PMFBP1: variants seen among roughly 807,000 people sequenced by gnomAD.
PMFBP1 encodes polyamine modulated factor 1 binding protein 1.
In PMFBP1, 131 loss-of-function variants were observed where a neutral mutation model predicts 137.8. The observed-to-expected ratio is 0.95, with a 90% CI of 0.82 to 1.10. The LOEUF (loss-of-function observed/expected upper bound fraction) is 1.10, where lower values mean the gene tolerates loss of function less well. PMFBP1 is among the 50% of genes least tolerant of loss of function. The pLI is 0.00. For missense variants in PMFBP1, 1,199 were observed against 1,175.4 expected (o/e 1.02, Z -0.29); for synonymous variants, 490 against 450.4 (o/e 1.09, Z -1.11).
the PMFBP1 span, among the ~76,000 whole-genome samples, chr16:72,226,020 C>T: frequency 4.6e-5 from 7 of 151,754 alleles, no homozygotes; most frequent in African/African-American, 1.7e-4. Flanking sequence ...CCAAACACTA[C>T]TTTCTGAGAT....
the PMFBP1 span, among the ~76,000 whole-genome samples, chr16:72,201,233 C>T: frequency 1.3e-5 from 2 of 152,194 alleles, no homozygotes; most frequent in Non-Finnish European, 2.9e-5. Flanking sequence ...CCTTGGTTCT[C>T]AGGCTTTCCT....
At chr16:72,159,709 C>T (rs759809665) in intron 3 of PMFBP1, among the ~76,000 whole-genome samples, 1 of 152,110 alleles carries the variant, frequency 6.6e-6, no homozygotes, top group African/African-American at 2.4e-5. Context: ...GAAAAAGACA[C>T]GCTATGGATG....
At chr16:72,156,911 G>C (rs184783056) in intron 3 of PMFBP1, among the ~76,000 whole-genome samples, 2 of 152,032 alleles carry the variant, frequency 1.3e-5, no homozygotes, top group Non-Finnish European at 2.9e-5. Flanking sequence ...AAATCGGCTG[G>C]GTGCGGTGGC....
chr16:72,191,699 C>T, the PMFBP1 span, among the ~76,000 whole-genome samples: 1 of 152,060 alleles, frequency 6.6e-6, no homozygotes, highest in Non-Finnish European at 1.5e-5. Context: ...TTTCTCCATT[C>T]CTGGTTCTCC....
At chr16:72,123,270 G>A (rs1236705704) in intron 18 of PMFBP1, among the ~76,000 whole-genome samples, 1 of 152,184 alleles carries the variant, frequency 6.6e-6, no homozygotes, top group Non-Finnish European at 1.5e-5. Context: ...GATGGGAGGA[G>A]GATATCTGAG....
chr16:72,190,629 G>C, the PMFBP1 span, among the ~76,000 whole-genome samples: 1 of 152,156 alleles, frequency 6.6e-6, no homozygotes, highest in Non-Finnish European at 1.5e-5. Context: ...AGTGAGCCTA[G>C]CTTGGGGTCA....
At chr16:72,179,415 T>C (rs965956902), upstream of PMFBP1, among the ~76,000 whole-genome samples, 2 of 152,218 alleles carry the variant, frequency 1.3e-5, no homozygotes, top group Admixed American at 1.3e-4. Context: ...ATTCTGTTTA[T>C]TGTGTCTGAA....
chr16:72,180,402 C>T (rs560318382), upstream of PMFBP1, among the ~76,000 whole-genome samples: 1 of 152,270 alleles, frequency 6.6e-6, no homozygotes, highest in East Asian at 1.9e-4. Context: ...TTCATACACT[C>T]TAAATCCAAC....
the PMFBP1 span, among the ~76,000 whole-genome samples, chr16:72,244,632 CCT>C: frequency 6.6e-6 from 1 of 152,176 alleles, no homozygotes; most frequent in Admixed American, 6.5e-5. Context: ...GATTTCTTTT[CCT>C]CCAAAACTGG....
At chr16:72,193,724 GAA>G in the PMFBP1 span, among the ~76,000 whole-genome samples, 66 of 134,784 alleles carry the variant, frequency 4.9e-4, no homozygotes, top group South Asian at 2.8e-3. Context: ...TATCAGTGAG[GAA>G]AAAAAAAAAA....
Position 72,139,418 on chromosome 16 carries a change from C to G in PMFBP1, c.808-19G>C. 1 of 1,562,882 alleles carries G rather than the reference C, an allele frequency of 6.4e-7. No homozygotes were observed. Among genetic ancestry groups the G allele is most frequent in the Non-Finnish European group, 8.8e-7 (1 of 1,134,274 alleles). ...CCAGAACCTGCAAATAAGCTTAGAT[C>G]AGTTATGCTGGATGATCAATGGAAC... On this transcript the variant is annotated intron_variant, in intron 6 of 20. Coordinates refer to ENST00000237353, the MANE Select transcript of PMFBP1 (RefSeq NM_031293.3).
chr16:72,204,732 G>A, the PMFBP1 span, among the ~76,000 whole-genome samples: 8 of 152,146 alleles, frequency 5.3e-5, no homozygotes, highest in Middle Eastern at 6.8e-3. Context: ...CGTGGATTTT[G>A]GGGGCCCTTC....
intron 2 of PMFBP1, among the ~76,000 whole-genome samples, chr16:72,170,018 T>C (rs2043198922): frequency 7.7e-6 from 1 of 130,510 alleles, no homozygotes; most frequent in Admixed American, 7.6e-5. Context: ...TATTGGCACC[T>C]GGGCAATTTT....
intron 15 of PMFBP1, 106 bp from the exon 16 acceptor site, chr16:72,125,511 G>T: frequency 2.3e-6 from 3 of 1,305,592 alleles, no homozygotes; most frequent in South Asian, 1.5e-5. Flanking sequence ...TCTGCCCAGG[G>T]TGACACGGAC....
intron 2 of PMFBP1, among the ~76,000 whole-genome samples, chr16:72,168,665 A>G (rs2043180313): frequency 6.6e-6 from 1 of 152,172 alleles, no homozygotes; most frequent in African/African-American, 2.4e-5. Context: ...CTCCACTGCT[A>G]GGTGAGTTTT....
At chr16:72,218,556 C>T in the PMFBP1 span, among the ~76,000 whole-genome samples, 1 of 152,164 alleles carries the variant, frequency 6.6e-6, no homozygotes, top group African/African-American at 2.4e-5. Flanking sequence ...GCTGGGATTA[C>T]AGGTGTGAGC....
the PMFBP1 span, among the ~76,000 whole-genome samples, chr16:72,235,993 G>A: frequency 4.6e-5 from 7 of 152,026 alleles, no homozygotes; most frequent in African/African-American, 1.4e-4. Flanking sequence ...TGTTTTTCTT[G>A]CCTCATTATC....
At chr16:72,216,161 G>A in the PMFBP1 span, among the ~76,000 whole-genome samples, 2 of 152,052 alleles carry the variant, frequency 1.3e-5, no homozygotes, top group African/African-American at 4.8e-5. Context: ...GAGTGTTGAG[G>A]GCTCTGAGGA....
chr16:72,233,892 T>C, the PMFBP1 span, among the ~76,000 whole-genome samples: 8 of 152,308 alleles, frequency 5.3e-5, no homozygotes, highest in Admixed American at 2.0e-4. Context: ...GGCTTATCCA[T>C]GTTGTTAACA....
Sources: allele counts gnomAD v4.1 joint callset (sites outside exome capture counted in the v4.1 genomes callset), GRCh38; gene constraint gnomAD v4.1.1; transcripts MANE v1.5; gene names NCBI Gene and HGNC (gene_info 2026-07-23, HGNC 2026-07-21).